SASH1: variants seen among roughly 807,000 people sequenced by gnomAD.
The protein encoded by SASH1 is SAM and SH3 domain containing 1, also known as SAM and SH3 domain-containing protein 1.
Under a neutral mutation model 125.2 loss-of-function variants are expected in SASH1, and 44 were observed. The ratio of observed to expected loss-of-function variants is 0.35; its 90% CI spans 0.28 to 0.45. The LOEUF (loss-of-function observed/expected upper bound fraction) is 0.45. Ranked by LOEUF, SASH1 falls within the 20% of genes least tolerant of loss-of-function variation. The pLI is 1.00. For synonymous variants in SASH1, 639 were observed against 649.1 expected, an observed-to-expected ratio of 0.98 and a Z score of 0.24; for missense variants, 1,426 against 1,614.5, an observed-to-expected ratio of 0.88 and a Z score of 2.00.
intron 8 of SASH1, among the ~76,000 whole-genome samples, chr6:148,508,065 G>A (rs751335653): frequency 6.6e-6 from 1 of 152,146 alleles, no homozygotes; most frequent in East Asian, 1.9e-4. Context: ...TCATGCTCAC[G>A]TTTCTAGAAT....
intron 1 of SASH1, among the ~76,000 whole-genome samples, chr6:148,381,305 G>A (rs535963943): frequency 7.2e-4 from 110 of 152,300 alleles, no homozygotes; most frequent in African/African-American, 2.4e-3. Flanking sequence ...TTTGCTACCA[G>A]TCTCAAGCCT....
intron 2 of SASH1, among the ~76,000 whole-genome samples, chr6:148,421,870 T>G (rs901065289): frequency 1.3e-5 from 2 of 152,354 alleles, no homozygotes; most frequent in African/African-American, 4.8e-5. Context: ...CTGACCCATC[T>G]CTTAAAGTCA....
chr6:148,406,221 G>T (rs1784366683), intron 2 of SASH1, among the ~76,000 whole-genome samples: 1 of 152,024 alleles, frequency 6.6e-6, no homozygotes, highest in South Asian at 2.1e-4. Flanking sequence ...GTTTTTGTTT[G>T]TGCTTGTTTG....
At chr6:148,477,596 G>T (rs905795499) in intron 7 of SASH1, among the ~76,000 whole-genome samples, 6 of 152,062 alleles carry the variant, frequency 3.9e-5, no homozygotes, top group African/African-American at 1.4e-4. Context: ...CGAGATCTCG[G>T]CTCACTGCGA....
At chr6:148,211,232 A>G in the SASH1 span, among the ~76,000 whole-genome samples, 2 of 152,020 alleles carry the variant, frequency 1.3e-5, no homozygotes, top group African/African-American at 4.8e-5. Flanking sequence ...ACAGGTTCCT[A>G]CTCTTTGTGG....
chr6:148,390,318 T>C (rs1783648094), intron 2 of SASH1, 56 bp downstream of exon 2: 1 of 1,557,734 alleles, frequency 6.4e-7, no homozygotes, highest in African/African-American at 1.4e-5. Context: ...CAATTTGGGC[T>C]TTTCCTTGGT....
chr6:148,455,489 G>C (rs1777299506), intron 4 of SASH1, among the ~76,000 whole-genome samples: 1 of 152,156 alleles, frequency 6.6e-6, no homozygotes, highest in South Asian at 2.1e-4. Context: ...ATCAGAAGGG[G>C]AAGGACGTGA....
At chr6:148,418,523 A>T (rs1337351426) in intron 2 of SASH1, among the ~76,000 whole-genome samples, 1 of 152,232 alleles carries the variant, frequency 6.6e-6, no homozygotes. Context: ...CTAAAAACAC[A>T]GTAGGACTTT....
chr6:148,538,567 T>C (rs1782015909), intron 16 of SASH1, among the ~76,000 whole-genome samples: 2 of 152,178 alleles, frequency 1.3e-5, no homozygotes. Context: ...TTAGTCACTT[T>C]AAAAGTAGCA....
At chr6:148,264,055 C>T in the SASH1 span, among the ~76,000 whole-genome samples, 2 of 151,786 alleles carry the variant, frequency 1.3e-5, no homozygotes, top group Admixed American at 1.3e-4. Context: ...CAACCTGAGG[C>T]TTAAGGAGGT....
At chr6:148,200,234 T>C in the SASH1 span, among the ~76,000 whole-genome samples, 25 of 152,368 alleles carry the variant, frequency 1.6e-4, no homozygotes, top group African/African-American at 5.3e-4. Context: ...ATAAAAAATA[T>C]TCATGTATAT....
At chr6:148,255,145 T>G in the SASH1 span, among the ~76,000 whole-genome samples, 2 of 152,200 alleles carry the variant, frequency 1.3e-5, no homozygotes, top group African/African-American at 4.8e-5. Context: ...GTTAGTGTGC[T>G]AGGGCCGCCA....
intron 1 of SASH1, among the ~76,000 whole-genome samples, chr6:148,317,487 C>T (rs1030194725): frequency 6.6e-6 from 1 of 152,204 alleles, no homozygotes; most frequent in Non-Finnish European, 1.5e-5. Context: ...TGCAATGGCA[C>T]GACCTCGGCT....
upstream of SASH1, among the ~76,000 whole-genome samples, chr6:148,340,153 C>T (rs1781279248): frequency 6.6e-6 from 1 of 152,094 alleles, no homozygotes; most frequent in Non-Finnish European, 1.5e-5. Context: ...CAGGCTGCCC[C>T]TTGGAAGCAG....
intron 2 of SASH1, among the ~76,000 whole-genome samples, chr6:148,404,241 A>G (rs904957039): frequency 6.6e-6 from 1 of 152,212 alleles, no homozygotes; most frequent in African/African-American, 2.4e-5. Context: ...AAATGCCTTT[A>G]TTACAGAATG....
At chr6:148,498,829 A>T (rs1779431870) in intron 8 of SASH1, among the ~76,000 whole-genome samples, 1 of 152,176 alleles carries the variant, frequency 6.6e-6, no homozygotes, top group African/African-American at 2.4e-5. Context: ...AATGTTACTG[A>T]TTGATTACAT....
Position 148,525,362 on chromosome 6 carries a change from A to C in SASH1, c.1281A>C (p.Pro427=), listed in dbSNP as rs1217607110. ...SLHVGSNNSD[P]MGKEGDFVYK... Reference sequence around the variant, plus strand: ...ACGTTGGCAGTAATAATTCTGACCCAATGGTGAGTAACATCAGAGGAAAGC... The same window carrying C: ...ACGTTGGCAGTAATAATTCTGACCCCATGGTGAGTAACATCAGAGGAAAGC... Residue 427 remains proline (P), a synonymous_variant, in exon 11 of 20, where the codon CCA becomes CCC. Coordinates refer to ENST00000367467, the MANE Select transcript of SASH1 (RefSeq NM_015278.5). 6.2e-7 allele frequency: 1 copy of C among 1,612,932 alleles called. No homozygotes were observed. Among genetic ancestry groups the C allele is most frequent in the Middle Eastern group, 1.7e-4 (1 of 6,056 alleles).
At chr6:148,334,995 G>T (rs1159610229) in intron 1 of SASH1, among the ~76,000 whole-genome samples, 6 of 140,178 alleles carry the variant, frequency 4.3e-5, no homozygotes, top group Admixed American at 1.5e-4. Context: ...AAAAAGAAAA[G>T]AAAAGAAAAA....
chr6:148,438,903 C>T (rs1314661954), intron 2 of SASH1, among the ~76,000 whole-genome samples: 2 of 152,200 alleles, frequency 1.3e-5, no homozygotes, highest in Admixed American at 6.5e-5. Context: ...GCATTCATTC[C>T]GATACTCTAT....
Sources: allele counts gnomAD v4.1 joint callset (sites outside exome capture counted in the v4.1 genomes callset), GRCh38; gene constraint gnomAD v4.1.1; transcripts MANE v1.5; gene names NCBI Gene and HGNC (gene_info 2026-07-23, HGNC 2026-07-21).